The following ARAP1 variants were observed in gnomAD, a reference collection of about 807,000 sequenced individuals.
ARAP1 encodes the protein ArfGAP with RhoGAP domain, ankyrin repeat and PH domain 1, also known as arf-GAP with Rho-GAP domain, ANK repeat and PH domain-containing protein 1.
ARAP1 carries 76 observed loss-of-function variants against 172.2 expected under a neutral mutation model. That is an observed-to-expected ratio of 0.44 (90% CI 0.37 to 0.53). The LOEUF is 0.53. Ranked by LOEUF, ARAP1 falls within the 20% of genes least tolerant of loss-of-function variation. The pLI is 0.00. For missense variants in ARAP1, 1,686 were observed against 1,977.5 expected (o/e 0.85, Z 2.80); for synonymous variants, 804 against 803.3 (o/e 1.00, Z -0.01).
At chr11:72,694,687 C>T (rs1458314219) in intron 27 of ARAP1, among the ~76,000 whole-genome samples, 1 of 152,104 alleles carries the variant, frequency 6.6e-6, no homozygotes, top group Non-Finnish European at 1.5e-5. Flanking sequence ...AACAAATGAA[C>T]AGATACAGCC....
intron 5 of ARAP1, 76 bp downstream of exon 5, chr11:72,713,100 A>G (rs2135545658): frequency 6.9e-7 from 1 of 1,449,380 alleles, no homozygotes; most frequent in South Asian, 1.2e-5. Context: ...TCTGTCTGGT[A>G]GTCCTCAGGG....
In ARAP1 at chr11:72,692,987, G is replaced by T; in HGVS notation, c.3955-202C>A. The T allele has an allele frequency of 2.9e-6, 2 of 683,574 alleles. 1 individual carries two copies. The highest frequency in any genetic ancestry group is 3.6e-5 in the South Asian group (2 of 55,942). 42.3% of individuals were successfully genotyped at this position (683,574 alleles called of 1,614,324 possible). On this transcript the variant is annotated intron_variant, in intron 29 of 34. Coordinates refer to ENST00000393609, the MANE Select transcript of ARAP1 (RefSeq NM_001040118.3). ...GTGGCCCGGGAGGCATATGACATACGATATGACAAGGCATGCATGCACAAC... is the reference window on the plus strand; with the variant it reads ...GTGGCCCGGGAGGCATATGACATACTATATGACAAGGCATGCATGCACAAC...
chr11:72,699,360 C>G lies in ARAP1; in HGVS notation c.2438+57G>C. ...TCTCTGGGTCTATTTCCCTGTCTCC[C>G]CAGTGGGGGATTGTACCTTATAGCA... On this transcript the variant is annotated intron_variant, in intron 17 of 34. Coordinates refer to ENST00000393609, the MANE Select transcript of ARAP1 (RefSeq NM_001040118.3). This position sits in a 1 kb window ranked among gnomAD's most constrained non-coding sequence, Gnocchi z 4.2. 6.2e-7 allele frequency: 1 copy of G among 1,608,218 alleles called. No individual in the cohort carries two copies. Among genetic ancestry groups the G allele is most frequent in the Middle Eastern group, 1.7e-4 (1 of 6,006 alleles).
chr11:72,701,505 C>G, intron 16 of ARAP1, 144 bp downstream of exon 16: 1 of 1,178,620 alleles, frequency 8.5e-7, no homozygotes, highest in South Asian at 1.5e-5. Context: ...TTAGGAAGTA[C>G]CTACTGTGTA....
chr11:72,712,971 C>T (rs1857099339), intron 5 of ARAP1: 11 of 626,710 alleles, frequency 1.8e-5, no homozygotes, highest in Non-Finnish European at 2.5e-5. Flanking sequence ...CTGGGGGAGC[C>T]ACACCAGAGC....
chr11:72,707,497 C>G lies in ARAP1; in HGVS notation c.1524-123G>C, dbSNP rs923444657. Reference sequence around the variant, plus strand: ...GGAGCGCTTAGGCAAAAGAGTGAGGCATCCCACTCTGGTAGGGAAGGTAGG... The same window carrying G: ...GGAGCGCTTAGGCAAAAGAGTGAGGGATCCCACTCTGGTAGGGAAGGTAGG... On this transcript the variant is annotated intron_variant, in intron 11 of 34. Transcript: ENST00000393609. 42 of 830,446 alleles carry G rather than the reference C, an allele frequency of 5.1e-5. No individual in the cohort carries two copies. The African/African-American group carries it at 6.3e-4, about 13-fold the overall frequency. The allele number at this position is 830,446 out of a possible 1,614,324, so 51.4% of individuals were successfully genotyped here. A position where few individuals can be genotyped will look rare whatever the true frequency, so the allele number is the denominator to read the frequency against.
chr11:72,725,634 T>C lies in ARAP1; in HGVS notation c.509+986A>G, dbSNP rs1857665763. Among the ~76,000 whole-genome samples, 1 of 151,958 alleles carries C rather than the reference T, an allele frequency of 6.6e-6. No homozygotes were observed. The highest frequency in any genetic ancestry group is 6.6e-5 in the Admixed American group (1 of 15,264). Reference sequence around the variant, plus strand: ...CCCTCCCCACAAGGCCCCCTGAGTATGTCCTTGGCATGGATCCAGCCAGGG... The same window carrying C: ...CCCTCCCCACAAGGCCCCCTGAGTACGTCCTTGGCATGGATCCAGCCAGGG... On this transcript the variant is annotated intron_variant, in intron 3 of 34. Transcript: ENST00000393609. The surrounding 1 kb of genome is among the most constrained non-coding windows in gnomAD (Gnocchi z 4.3).
At chr11:72,713,640 G>A (rs1483813687) in intron 4 of ARAP1, among the ~76,000 whole-genome samples, 3 of 152,142 alleles carry the variant, frequency 2.0e-5, no homozygotes, top group Admixed American at 6.5e-5. Context: ...GAACTCAGGA[G>A]ATCGAGACCA....
At chr11:72,737,799 C>A (rs1354282075) in intron 1 of ARAP1, among the ~76,000 whole-genome samples, 1 of 152,048 alleles carries the variant, frequency 6.6e-6, no homozygotes, top group African/African-American at 2.4e-5. Context: ...AATATTTGTA[C>A]TTTTTGTAGA....
chr11:72,731,432 G>A (rs1186289792), intron 2 of ARAP1, among the ~76,000 whole-genome samples: 2 of 152,068 alleles, frequency 1.3e-5, no homozygotes, highest in African/African-American at 2.4e-5. Context: ...AAAAGAGCCC[G>A]GCTTCTCTCT....
chr11:72,709,828 A>G (rs1292850044), intron 11 of ARAP1, 42 bp downstream of exon 11: 1 of 1,595,292 alleles, frequency 6.3e-7, no homozygotes, highest in Admixed American at 1.7e-5. Context: ...AAACATTAGG[A>G]AGGAGTGAGG....
intron 19 of ARAP1, 35 bp downstream of exon 19, chr11:72,697,876 C>T (rs779336724): frequency 3.7e-5 from 57 of 1,532,890 alleles, no homozygotes; most frequent in East Asian, 2.1e-4. Flanking sequence ...GATAGGGTGC[C>T]CTGGAGGCTG....
intron 19 of ARAP1, 41 bp downstream of exon 19, chr11:72,697,870 G>C (rs781149906): frequency 2.0e-6 from 3 of 1,524,022 alleles, no homozygotes; most frequent in Non-Finnish European, 2.6e-6. Flanking sequence ...GCCCAGGATA[G>C]GGTGCCCTGG....
intron 1 of ARAP1, among the ~76,000 whole-genome samples, chr11:72,746,705 G>T (rs1375308035): frequency 6.6e-6 from 1 of 151,312 alleles, no homozygotes; most frequent in Non-Finnish European, 1.5e-5. Flanking sequence ...AATTTGGTTG[G>T]TTTCTGTCCT....
intron 15 of ARAP1, 113 bp downstream of exon 15, chr11:72,702,792 T>G (rs1356606006): frequency 6.7e-6 from 9 of 1,344,664 alleles, no homozygotes; most frequent in African/African-American, 1.5e-5. Context: ...AGCTCACACA[T>G]GATTTATCAC....
At chr11:72,745,121 T>C (rs1047257476) in intron 1 of ARAP1, among the ~76,000 whole-genome samples, 3 of 151,050 alleles carry the variant, frequency 2.0e-5, no homozygotes, top group Non-Finnish European at 4.4e-5. Context: ...AGGCACACTG[T>C]GGCCACTGGG....
chr11:72,687,692 G>A lies in ARAP1; in HGVS notation c.4117C>T (p.Gln1373Ter), dbSNP rs866354979. 6.2e-7 allele frequency: 1 copy of A among 1,614,154 alleles called. No homozygotes were observed. Residue 1373 changes from glutamine (Q) to a stop codon, truncating the protein, a stop_gained, in exon 32 of 35, where the codon CAG becomes TAG. Transcript: ENST00000393609. LOFTEE classifies it high-confidence loss of function. ...CAGGATGAGGCGCTCACTCACCACT[G>A]CTGCTTCTCATGTTTCTCTGTCTCA... ...VHETEKHEKQ[Q>*]WYLCCDTQME... is the part of the protein sequence containing the mutation.
intron 1 of ARAP1, among the ~76,000 whole-genome samples, chr11:72,745,742 A>G (rs1458161891): frequency 6.6e-6 from 1 of 152,114 alleles, no homozygotes; most frequent in Non-Finnish European, 1.5e-5. Flanking sequence ...TCATGTCTCA[A>G]AGGTGGAGAG....
rs541820031 is a variant in ARAP1, at chr11:72,687,470, C to A, written c.4154G>T (p.Arg1385Leu). Reference protein sequence around the residue: ...YLCCDTQMELREWFATFLFVQ... With the variant: ...YLCCDTQMELLEWFATFLFVQ... ...AAACAGAAAGGTAGCGAACCACTCCCGGAGCTCCATCTGTGTGTCACAGCA... is the reference window on the plus strand; with the variant it reads ...AAACAGAAAGGTAGCGAACCACTCCAGGAGCTCCATCTGTGTGTCACAGCA... Residue 1385 changes from arginine to leucine, a missense_variant, in exon 33 of 35, where the codon CGG becomes CTG. Arg to Leu is a moderately radical substitution (Grantham distance 102). Coordinates refer to ENST00000393609, the MANE Select transcript of ARAP1 (RefSeq NM_001040118.3). 1 of 1,614,136 alleles carries A rather than the reference C, an allele frequency of 6.2e-7. No individual in the cohort carries two copies.
Sources: allele counts gnomAD v4.1 joint callset (sites outside exome capture counted in the v4.1 genomes callset), GRCh38; gene constraint gnomAD v4.1.1; non-coding constraint Gnocchi (gnomAD v3.1); transcripts MANE v1.5; gene names NCBI Gene and HGNC (gene_info 2026-07-23, HGNC 2026-07-21).